NIPSNAP2: variants seen among roughly 807,000 people sequenced by gnomAD.
NIPSNAP2 encodes the protein protein NipSnap homolog 2.
NIPSNAP2 carries 42 observed loss-of-function variants against 48.4 expected under a neutral mutation model. The observed-to-expected ratio is 0.87, with a 90% CI of 0.68 to 1.12. The LOEUF (loss-of-function observed/expected upper bound fraction) is 1.12. NIPSNAP2 is among the 50% of genes most tolerant of loss of function. The pLI, the probability that NIPSNAP2 is intolerant of heterozygous loss-of-function variation, is 0.00. For missense variants in NIPSNAP2, 314 were observed against 347.3 expected (o/e 0.90, Z 0.76); for synonymous variants, 158 against 126.6 (o/e 1.25, Z -1.67).
intron 7 of NIPSNAP2, 131 bp downstream of exon 7, chr7:55,985,009 GT>G: frequency 1.5e-6 from 1 of 647,496 alleles, no homozygotes; most frequent in Non-Finnish European, 2.6e-6. Flanking sequence ...TTCGTTTGAT[GT>G]TTTTATTATG....
At chr7:55,982,782 A>G (rs1200407097) in intron 5 of NIPSNAP2, among the ~76,000 whole-genome samples, 2 of 151,452 alleles carry the variant, frequency 1.3e-5, no homozygotes, top group Non-Finnish European at 2.9e-5. Flanking sequence ...TATTGTTCTT[A>G]TTATAAAAGT....
chr7:55,992,361 A>C (rs559152457), intron 7 of NIPSNAP2, among the ~76,000 whole-genome samples: 1 of 152,304 alleles, frequency 6.6e-6, no homozygotes, highest in East Asian at 1.9e-4. Context: ...TTAGTGGTGC[A>C]AGCCTGTAGT....
chr7:55,969,100 T>C (rs1453989154), intron 1 of NIPSNAP2, among the ~76,000 whole-genome samples: 2 of 152,110 alleles, frequency 1.3e-5, no homozygotes, highest in Non-Finnish European at 2.9e-5. Context: ...AGAAAAACTT[T>C]TAATGGTAAA....
chr7:55,982,083 A>C, intron 4 of NIPSNAP2, 127 bp from the exon 5 acceptor site: 1 of 530,226 alleles, frequency 1.9e-6, no homozygotes, highest in South Asian at 2.5e-5. Flanking sequence ...CTGGGATTAC[A>C]GGCATGAGCC....
rs776539414 is a variant in NIPSNAP2 at position 55,984,809 on chromosome 7, CAGA to C, written c.586-33_586-31del. 6.0e-4 allele frequency: 937 copies of C among 1,550,700 alleles called. 3 individuals carry two copies. The highest frequency in any genetic ancestry group is 3.9e-4 in the East Asian group (17 of 43,298). The stretch of plus-strand genomic sequence containing the variant: ...TGCTATTTCTGTATTTTTTTTTTCA[CAGA>C]AGAACTAACAAACCAAATCTAAATC... On this transcript the variant is annotated intron_variant, in intron 6 of 9. Transcript: ENST00000322090.
Position 55,999,162 on chromosome 7 carries a change from CACTG to C in NIPSNAP2, c.*92_*95del. 1 of 1,127,240 alleles carries C rather than the reference CACTG, an allele frequency of 8.9e-7. No homozygotes were observed. The highest frequency in any genetic ancestry group is 1.9e-5 in the Admixed American group (1 of 51,442). 69.8% of individuals were successfully genotyped at this position (1,127,240 alleles called of 1,614,324 possible). A position where few individuals can be genotyped will look rare whatever the true frequency, so the allele number is the denominator to read the frequency against. ...AATTGTGTATCAAGTGAAAAAGAAA[CACTG>C]AGGTTTTAAGCTGCTGTATATAGCT... On this transcript the variant is annotated 3_prime_UTR_variant, in exon 10 of 10. Coordinates refer to ENST00000322090, the MANE Select transcript of NIPSNAP2 (RefSeq NM_001483.3).
At chr7:55,993,648 G>C (rs993575390) in intron 7 of NIPSNAP2, among the ~76,000 whole-genome samples, 1 of 151,164 alleles carries the variant, frequency 6.6e-6, no homozygotes, top group African/African-American at 2.4e-5. Flanking sequence ...GCTGAGACAC[G>C]AGAATAACTT....
intron 1 of NIPSNAP2, among the ~76,000 whole-genome samples, chr7:55,966,669 C>T (rs1008067739): frequency 1.3e-5 from 2 of 152,086 alleles, no homozygotes; most frequent in Non-Finnish European, 2.9e-5. Flanking sequence ...GTAGTCCCAG[C>T]TACTTGGTAG....
rs752083984 is a variant in NIPSNAP2, at chr7:56,000,078, T to G, written c.*1006T>G. ...TCTGCCCCACAATCAAGAATGTATG[T>G]GTAAAGTGTGAATAAATCTCATATC... is the stretch of plus-strand genomic sequence containing the variant. On this transcript the variant is annotated 3_prime_UTR_variant, in exon 10 of 10. Coordinates refer to ENST00000322090, the MANE Select transcript of NIPSNAP2 (RefSeq NM_001483.3). The G allele has an allele frequency of 6.6e-6, 1 of 152,642 alleles. No individual in the cohort carries two copies. The highest frequency in any genetic ancestry group is 1.5e-5 in the Non-Finnish European group (1 of 68,044). 9.5% of individuals were successfully genotyped at this position (152,642 alleles called of 1,614,324 possible).
rs1232504296 is a variant in NIPSNAP2, at chr7:55,986,996, A to C, written c.617+2118A>C. 1.5e-3 allele frequency among the ~76,000 whole-genome samples: 217 copies of C among 149,184 alleles called. 3 individuals are homozygous for C. The highest frequency in any genetic ancestry group is 2.4e-3 in the Non-Finnish European group (158 of 67,128). ...ACCCTGTCTCTATAAAAAAAAAAAAAAAAAAAAAAAAAAACTTGCCAGGCG... is the reference window on the plus strand; with the variant it reads ...ACCCTGTCTCTATAAAAAAAAAAAACAAAAAAAAAAAAAACTTGCCAGGCG... On this transcript the variant is annotated intron_variant, in intron 7 of 9. Coordinates refer to ENST00000322090, the MANE Select transcript of NIPSNAP2 (RefSeq NM_001483.3).
intron 1 of NIPSNAP2, among the ~76,000 whole-genome samples, chr7:55,975,191 GAA>G (rs1342108743): frequency 1.4e-4 from 22 of 151,880 alleles, no homozygotes; most frequent in Non-Finnish European, 7.4e-5. Flanking sequence ...ATTCTCTATA[GAA>G]AATACAAAAA....
intron 1 of NIPSNAP2, among the ~76,000 whole-genome samples, chr7:55,968,945 G>T (rs1786955900): frequency 6.6e-6 from 1 of 151,892 alleles, no homozygotes; most frequent in Admixed American, 6.6e-5. Flanking sequence ...TATACAGGTG[G>T]CTGAAGCAAG....
intron 9 of NIPSNAP2, among the ~76,000 whole-genome samples, chr7:55,998,602 G>C (rs1221204249): frequency 7.3e-6 from 1 of 137,606 alleles, no homozygotes; most frequent in Non-Finnish European, 1.5e-5. Context: ...CCGGTTTCAA[G>C]CGATTCTCCC....
rs116789620 is a variant in NIPSNAP2 at position 55,991,405 on chromosome 7, C to T, written c.618-3489C>T. ...TTTTTGCCCATTACTGATCAAGACT[C>T]GCTCGCCGTGGAATCCACAGGGACA... On this transcript the variant is annotated intron_variant, in intron 7 of 9. Transcript: ENST00000322090. 3.0e-3 allele frequency among the ~76,000 whole-genome samples: 454 copies of T among 151,890 alleles called. 3 individuals carry two copies. The highest frequency in any genetic ancestry group is 0.011 in the African/African-American group (437 of 41,452).
chr7:55,978,097 T>G (rs1345198168), intron 1 of NIPSNAP2, 29 bp from the exon 2 acceptor site: 5 of 1,613,204 alleles, frequency 3.1e-6, no homozygotes, highest in Non-Finnish European at 4.2e-6. Flanking sequence ...AACAGTATAC[T>G]GCGTGACAAC....
chr7:55,992,328 A>G (rs367653195), intron 7 of NIPSNAP2, among the ~76,000 whole-genome samples: 8 of 152,106 alleles, frequency 5.3e-5, no homozygotes, highest in South Asian at 2.1e-4. Flanking sequence ...AAAACATAAT[A>G]AAAAATAAAA....
chr7:55,996,384 C>T (rs1411155317), intron 8 of NIPSNAP2, among the ~76,000 whole-genome samples: 23 of 152,090 alleles, frequency 1.5e-4, no homozygotes, highest in Non-Finnish European at 1.3e-4. Flanking sequence ...AAGCGCCTTT[C>T]TTCCTATTCC....
At chr7:55,990,984 T>C (rs1223174367) in intron 7 of NIPSNAP2, among the ~76,000 whole-genome samples, 1 of 151,564 alleles carries the variant, frequency 6.6e-6, no homozygotes, top group Non-Finnish European at 1.5e-5. Flanking sequence ...AGAGACAGAG[T>C]TTCGCCATGT....
chr7:55,979,869 C>T (rs1167833150), intron 3 of NIPSNAP2: 2 of 456,514 alleles, frequency 4.4e-6, no homozygotes, highest in African/African-American at 4.0e-5. Context: ...TACTGCCTGC[C>T]TTACAATCTC....
Sources: allele counts gnomAD v4.1 joint callset (sites outside exome capture counted in the v4.1 genomes callset), GRCh38; gene constraint gnomAD v4.1.1; transcripts MANE v1.5; gene names NCBI Gene and HGNC (gene_info 2026-07-23, HGNC 2026-07-21).